The following LHFPL6 variants were observed in gnomAD, a reference collection of about 807,000 sequenced individuals.
The protein encoded by LHFPL6 is LHFPL tetraspan subfamily member 6 protein.
A neutral mutation model predicts 20.6 loss-of-function variants in LHFPL6; 9 were observed. That is an observed-to-expected ratio of 0.44 (90% confidence interval 0.26 to 0.76). The LOEUF is 0.76. Ranked by LOEUF, LHFPL6 falls within the 30% of genes least tolerant of loss-of-function variation. The pLI, the probability that LHFPL6 is intolerant of heterozygous loss-of-function variation, is 0.20. For missense variants in LHFPL6, 218 were observed against 253.5 expected (o/e 0.86, Z 0.95); for synonymous variants, 105 against 98.7 (o/e 1.06, Z -0.38).
At chr13:39,492,696 C>T (rs1032282891) in intron 2 of LHFPL6, among the ~76,000 whole-genome samples, 3 of 151,848 alleles carry the variant, frequency 2.0e-5, no homozygotes, top group Admixed American at 1.3e-4. Flanking sequence ...TGGAGTTTCA[C>T]TCCTGTCGCC....
At chr13:39,452,454 A>G (rs1872474776) in intron 2 of LHFPL6, among the ~76,000 whole-genome samples, 1 of 152,236 alleles carries the variant, frequency 6.6e-6, no homozygotes, top group Admixed American at 6.5e-5. Context: ...GGGGTCATAC[A>G]TTTTGGTGAA....
At chr13:39,444,926 G>C (rs1014064234) in intron 2 of LHFPL6, among the ~76,000 whole-genome samples, 1 of 152,210 alleles carries the variant, frequency 6.6e-6, no homozygotes, top group African/African-American at 2.4e-5. Context: ...GCAGGCACAA[G>C]ACTTTAACTT....
chr13:39,373,050 C>T (rs1870200708), intron 3 of LHFPL6, among the ~76,000 whole-genome samples: 1 of 152,292 alleles, frequency 6.6e-6, no homozygotes, highest in Non-Finnish European at 1.5e-5. Context: ...CTGAGAGCTC[C>T]GCCTGTATAA....
intron 2 of LHFPL6, among the ~76,000 whole-genome samples, chr13:39,551,778 T>C (rs1202484018): frequency 1.3e-5 from 2 of 152,194 alleles, no homozygotes; most frequent in Admixed American, 6.5e-5. Flanking sequence ...AGGAAAAAAT[T>C]AGTTTTTATT....
intron 2 of LHFPL6, among the ~76,000 whole-genome samples, chr13:39,437,770 C>T (rs1307954398): frequency 7.2e-5 from 11 of 151,922 alleles, no homozygotes; most frequent in African/African-American, 1.7e-4. Flanking sequence ...GGCGTGGTGG[C>T]GGGTGCCTGT....
At position 39,518,411 on chromosome 13, in the gene LHFPL6, T is replaced by C. The variant is rs200133201; in HGVS notation, c.385+82421A>G. ...TGTGTTTCAAAAAACTGTATGTCAA[T>C]CTTGTATTTTTTAACACCTTATATT... On this transcript the variant is annotated intron_variant, in intron 2 of 3. Transcript: ENST00000379589. 5.9e-5 allele frequency among the ~76,000 whole-genome samples: 9 copies of C among 152,294 alleles called. No individual in the cohort carries two copies. The East Asian group carries it at 1.7e-3, about 29-fold the overall frequency.
intron 2 of LHFPL6, among the ~76,000 whole-genome samples, chr13:39,397,788 G>A (rs561736490): frequency 1.3e-5 from 2 of 152,082 alleles, no homozygotes; most frequent in African/African-American, 2.4e-5. Context: ...AATAATTTCC[G>A]TTGTCTTCCT....
intron 2 of LHFPL6, among the ~76,000 whole-genome samples, chr13:39,434,576 G>A (rs1475675887): frequency 1.3e-5 from 2 of 152,066 alleles, no homozygotes; most frequent in Non-Finnish European, 2.9e-5. Context: ...ACATTGCAAT[G>A]TTACTACCCA....
intron 2 of LHFPL6, among the ~76,000 whole-genome samples, chr13:39,388,949 G>A (rs192898426): frequency 9.2e-5 from 14 of 152,252 alleles, no homozygotes; most frequent in South Asian, 2.1e-4. Context: ...CTTTTCTACC[G>A]ATTGCACTCA....
intron 2 of LHFPL6, among the ~76,000 whole-genome samples, chr13:39,570,283 G>C (rs933105720): frequency 1.3e-5 from 2 of 152,104 alleles, no homozygotes; most frequent in African/African-American, 4.8e-5. Context: ...CAGGACTATA[G>C]AAGTGAGCCA....
At chr13:39,408,040 T>C (rs1487631304) in intron 2 of LHFPL6, among the ~76,000 whole-genome samples, 2 of 152,206 alleles carry the variant, frequency 1.3e-5, no homozygotes, top group Non-Finnish European at 1.5e-5. Flanking sequence ...CTCATCTTTG[T>C]ACCTGACATG....
intron 2 of LHFPL6, among the ~76,000 whole-genome samples, chr13:39,420,998 A>T (rs1871470373): frequency 2.6e-5 from 4 of 152,220 alleles, no homozygotes; most frequent in African/African-American, 9.6e-5. Flanking sequence ...CTTTGGTAAC[A>T]GAATTGAAAA....
At chr13:39,490,543 G>A (rs1049371350) in intron 2 of LHFPL6, among the ~76,000 whole-genome samples, 4 of 152,148 alleles carry the variant, frequency 2.6e-5, no homozygotes, top group African/African-American at 9.7e-5. Flanking sequence ...CAGGTTTGCT[G>A]GAGTCTTTAG....
At chr13:39,485,969 A>G (rs922045201) in intron 2 of LHFPL6, among the ~76,000 whole-genome samples, 1 of 152,132 alleles carries the variant, frequency 6.6e-6, no homozygotes, top group Admixed American at 6.5e-5. Context: ...AACCTCCAAG[A>G]TAAGTATTAT....
At chr13:39,601,797 T>C (rs1410823280) in intron 1 of LHFPL6, among the ~76,000 whole-genome samples, 4 of 152,212 alleles carry the variant, frequency 2.6e-5, no homozygotes, top group Non-Finnish European at 4.4e-5. Flanking sequence ...TCATAGTTTG[T>C]TGCAACTTTT....
At chr13:39,487,812 G>A (rs1998987) in intron 2 of LHFPL6, among the ~76,000 whole-genome samples, 33,120 of 152,084 alleles carry the variant, frequency 0.22, 5,616 homozygotes, top group East Asian at 0.72. Context: ...TTGGGAGGCC[G>A]AGATGGGTGG....
intron 3 of LHFPL6, among the ~76,000 whole-genome samples, chr13:39,367,183 G>A (rs959463766): frequency 2.6e-5 from 4 of 152,146 alleles, no homozygotes; most frequent in South Asian, 2.1e-4. Context: ...ATATAAACAT[G>A]GGAACCACAG....
intron 2 of LHFPL6, among the ~76,000 whole-genome samples, chr13:39,382,092 G>T (rs1037453914): frequency 6.6e-6 from 1 of 152,132 alleles, no homozygotes; most frequent in African/African-American, 2.4e-5. Flanking sequence ...AAGGACTTAC[G>T]TATGGAAGTA....
At chr13:39,550,980 C>T (rs1321059971) in intron 2 of LHFPL6, among the ~76,000 whole-genome samples, 1 of 152,068 alleles carries the variant, frequency 6.6e-6, no homozygotes, top group Non-Finnish European at 1.5e-5. Flanking sequence ...GATTCACTGA[C>T]CTTTTACCCA....
Sources: gnomAD v4.1 joint callset for allele counts (sites outside exome capture counted in the v4.1 genomes callset) on GRCh38, gnomAD v4.1.1 for gene constraint, MANE v1.5 for transcripts, NCBI Gene and HGNC (gene_info 2026-07-23, HGNC 2026-07-21) for gene names.